Variants in TAF4 observed in about 807,000 individuals in gnomAD.
TAF4 encodes the protein TATA-box binding protein associated factor 4, also known as transcription initiation factor TFIID subunit 4.
TAF4 carries 9 observed loss-of-function variants against 90.3 expected under a neutral mutation model. That is an observed-to-expected ratio of 0.10 (90% CI 0.06 to 0.17). The LOEUF (loss-of-function observed/expected upper bound fraction) is 0.17. Ranked by LOEUF, TAF4 falls within the 10% of genes least tolerant of loss-of-function variation. The pLI is 1.00. For missense variants in TAF4, 1,351 were observed against 1,370.7 expected, an observed-to-expected ratio of 0.99 and a Z score of 0.23; for synonymous variants, 818 against 638.9, an observed-to-expected ratio of 1.28 and a Z score of -4.23.
rs1323727582 is a variant in TAF4 at position 62,064,792 on chromosome 20, G to C, written c.1019C>G (p.Pro340Arg). The change falls in exon 1 of 15, where the codon CCG becomes CGG. Residue 340 changes from proline to arginine, a missense_variant. Pro to Arg is a moderately radical substitution (Grantham distance 103, BLOSUM62 -2). This residue lies in a region of TAF4 where 782 missense variants were observed against 536.6 expected (regional missense o/e 1.46). Coordinates refer to ENST00000252996, the MANE Select transcript of TAF4 (RefSeq NM_003185.4). ...GPGAAAAAPA[P>R]GVKAESPKRV... ...CTTGGGCGACTCGGCCTTGACCCCC[G>C]GCGCCGGCGCCGCAGCCGCCGCGCC... The C allele has an allele frequency of 9.7e-7, 1 of 1,031,402 alleles. No individual in the cohort carries two copies. The highest frequency in any genetic ancestry group is 4.5e-5 in the South Asian group (1 of 22,386). 63.9% of individuals were successfully genotyped at this position (1,031,402 alleles called of 1,614,324 possible).
chr20:62,025,203 G>A (rs751718468), intron 1 of TAF4, among the ~76,000 whole-genome samples: 7 of 152,142 alleles, frequency 4.6e-5, no homozygotes, highest in Non-Finnish European at 7.3e-5. Context: ...CAAGTGTGTG[G>A]CCTTACAAAG....
intron 14 of TAF4, among the ~76,000 whole-genome samples, chr20:61,997,021 A>G: frequency 6.6e-6 from 1 of 152,118 alleles, no homozygotes; most frequent in Non-Finnish European, 1.5e-5. Flanking sequence ...TTCTTCCTGT[A>G]ATTTACTTAA....
intron 1 of TAF4, among the ~76,000 whole-genome samples, chr20:62,021,709 A>C (rs2055844206): frequency 6.6e-6 from 1 of 152,140 alleles, no homozygotes; most frequent in African/African-American, 2.4e-5. Flanking sequence ...GGCAGTTAAA[A>C]GGGGGTGGGT....
At chr20:62,043,064 G>A (rs967821172) in intron 1 of TAF4, among the ~76,000 whole-genome samples, 3 of 152,226 alleles carry the variant, frequency 2.0e-5, no homozygotes, top group African/African-American at 7.2e-5. Context: ...GCACACGTCT[G>A]TAAACCCAGC....
At chr20:62,056,621 G>A (rs2056065755) in intron 1 of TAF4, among the ~76,000 whole-genome samples, 1 of 152,072 alleles carries the variant, frequency 6.6e-6, no homozygotes, top group African/African-American at 2.4e-5. Context: ...CCAGACACAG[G>A]ACAAGGCAAA....
At chr20:62,036,260 G>C (rs2055932146) in intron 1 of TAF4, among the ~76,000 whole-genome samples, 1 of 152,166 alleles carries the variant, frequency 6.6e-6, no homozygotes, top group South Asian at 2.1e-4. Flanking sequence ...CCTGACCTCA[G>C]GTGATCCACC....
chr20:61,994,908 C>T (rs192052338), intron 14 of TAF4, among the ~76,000 whole-genome samples: 12 of 152,280 alleles, frequency 7.9e-5, no homozygotes, highest in African/African-American at 1.7e-4. Flanking sequence ...TTTCCTTGTA[C>T]GTAAGGATCA....
chr20:62,038,028 G>GT (rs111957072), intron 1 of TAF4: 92,721 of 147,166 alleles, frequency 0.63, 28,863 homozygotes, highest in Middle Eastern at 0.76. Flanking sequence ...TTTTTTTGTT[G>GT]TTTTTTTTTT....
Position 62,065,333 on chromosome 20 carries a change from G to T in TAF4, c.478C>A (p.Pro160Thr). Reference sequence around the variant, plus strand: ...GCGGCCAGCGCGGCGGGGCCGGCGGGCTTGGCGGGGCCGGCGGGGGCGGGC... The same window carrying T: ...GCGGCCAGCGCGGCGGGGCCGGCGGTCTTGGCGGGGCCGGCGGGGGCGGGC... ...PEPAPAGPAKPAGPAALAARA... is the reference protein window; with the variant it reads ...PEPAPAGPAKTAGPAALAARA... The change falls in exon 1 of 15, where the codon CCC becomes ACC. Residue 160 changes from proline to threonine, a missense_variant. Physicochemically the swap from Pro to Thr is conservative, Grantham distance 38. This residue lies in a region of TAF4 where 782 missense variants were observed against 536.6 expected (regional missense o/e 1.46). Transcript: ENST00000252996. 1 of 953,934 alleles carries T rather than the reference G, an allele frequency of 1.0e-6. No homozygotes were observed. The highest frequency in any genetic ancestry group is 1.2e-6 in the Non-Finnish European group (1 of 808,302). 59.1% of individuals were successfully genotyped at this position (953,934 alleles called of 1,614,324 possible). A position where few individuals can be genotyped will look rare whatever the true frequency, so the allele number is the denominator to read the frequency against.
intron 14 of TAF4, among the ~76,000 whole-genome samples, chr20:61,978,721 G>A (rs914749968): frequency 6.6e-6 from 1 of 151,974 alleles, no homozygotes; most frequent in East Asian, 1.9e-4. Flanking sequence ...GAGGGGGCGA[G>A]ACCAACCAAG....
chr20:62,063,296 A>T (rs2056100209), intron 1 of TAF4, among the ~76,000 whole-genome samples: 1 of 152,198 alleles, frequency 6.6e-6, no homozygotes. Context: ...TGTCAAAGTG[A>T]CCAATAGCTC....
chr20:62,062,289 G>A (rs1407824645), intron 1 of TAF4, among the ~76,000 whole-genome samples: 1 of 152,100 alleles, frequency 6.6e-6, no homozygotes, highest in African/African-American at 2.4e-5. Flanking sequence ...CTGATCAATC[G>A]ATTACAGGAA....
At position 62,006,827 on chromosome 20, in the gene TAF4, C is replaced by T; in HGVS notation, c.1975-69G>A. 7.1e-7 allele frequency: 1 copy of T among 1,417,150 alleles called. No individual in the cohort carries two copies. Among genetic ancestry groups the T allele is most frequent in the Non-Finnish European group, 9.3e-7 (1 of 1,075,586 alleles). 87.8% of individuals were successfully genotyped at this position (1,417,150 alleles called of 1,614,324 possible). A position where few individuals can be genotyped will look rare whatever the true frequency, so the allele number is the denominator to read the frequency against. ...CGTCGGTTTTCCTTGCTTAAAAATT[C>T]AGAAATATCAACTTTTACAGAAAGC... On this transcript the variant is annotated intron_variant, in intron 6 of 14. Coordinates refer to ENST00000252996, the MANE Select transcript of TAF4 (RefSeq NM_003185.4). This position sits in a 1 kb window ranked among gnomAD's most constrained non-coding sequence, Gnocchi z 7.0.
intron 1 of TAF4, among the ~76,000 whole-genome samples, chr20:62,015,938 C>T (rs1251424041): frequency 1.3e-5 from 2 of 152,210 alleles, no homozygotes; most frequent in African/African-American, 2.4e-5. Context: ...AACTTCCCCC[C>T]AAAACGCCCC....
chr20:61,985,396 G>A (rs922758494), intron 14 of TAF4, among the ~76,000 whole-genome samples: 2 of 151,966 alleles, frequency 1.3e-5, no homozygotes, highest in Non-Finnish European at 2.9e-5. Flanking sequence ...CCAGGACACA[G>A]AGCAAGACTC....
chr20:62,045,777 T>C (rs1404401630), intron 1 of TAF4, among the ~76,000 whole-genome samples: 1 of 152,218 alleles, frequency 6.6e-6, no homozygotes, highest in Non-Finnish European at 1.5e-5. Flanking sequence ...TGAAAACTCT[T>C]TCTCGTCTAA....
At chr20:61,992,589 A>C (rs954534686) in intron 14 of TAF4, among the ~76,000 whole-genome samples, 1 of 152,020 alleles carries the variant, frequency 6.6e-6, no homozygotes, top group African/African-American at 2.4e-5. Flanking sequence ...AAATACCCAT[A>C]TAAGCCCATG....
At chr20:62,054,430 C>T (rs2056048992) in intron 1 of TAF4, among the ~76,000 whole-genome samples, 1 of 152,178 alleles carries the variant, frequency 6.6e-6, no homozygotes, top group Admixed American at 6.5e-5. Context: ...AAGAGCAAAG[C>T]GGCCTCCATC....
rs2056123287 is a variant in TAF4 at position 62,065,318 on chromosome 20, C to CTT, written c.492_493insAA (p.Ala165LysfsTer35). 1 of 932,342 alleles carries CTT rather than the reference C, an allele frequency of 1.1e-6. No individual in the cohort carries two copies. Among genetic ancestry groups the CTT allele is most frequent in the African/African-American group, 2.0e-5 (1 of 51,254 alleles). 57.8% of individuals were successfully genotyped at this position (932,342 alleles called of 1,614,324 possible). Reference sequence around the variant, plus strand: ...CCGGGGCCGGCGCGGGCGGCCAGCGCGGCGGGGCCGGCGGGCTTGGCGGGG... The same window carrying CTT: ...CCGGGGCCGGCGCGGGCGGCCAGCGCTTGGCGGGGCCGGCGGGCTTGGCGGGG... On this transcript the variant is annotated frameshift_variant, in exon 1 of 15. Transcript: ENST00000252996. LOFTEE classifies it high-confidence loss of function.
Sources: gnomAD v4.1 joint callset for allele counts (sites outside exome capture counted in the v4.1 genomes callset) on GRCh38, gnomAD v4.1.1 for gene constraint, gnomAD v4.1.1 regional missense constraint, Gnocchi (gnomAD v3.1) non-coding constraint, MANE v1.5 for transcripts, NCBI Gene and HGNC (gene_info 2026-07-23, HGNC 2026-07-21) for gene names.